The following ANK3 variants were observed in gnomAD, a reference collection of about 807,000 sequenced individuals.
ANK3 encodes ankyrin-3.
ANK3 carries 57 observed loss-of-function variants against 370.9 expected under a neutral mutation model. That is an observed-to-expected ratio of 0.15 (90% CI 0.12 to 0.19). ANK3 has a LOEUF of 0.19. Among genes scored for constraint, ANK3 ranks in the 10% least tolerant of loss-of-function variants. ANK3 has a pLI of 1.00. For synonymous variants in ANK3, 1,929 were observed against 1,946.3 expected (o/e 0.99, Z 0.23); for missense variants, 4,439 against 5,302.1 (o/e 0.84, Z 5.06).
intron 2 of ANK3, among the ~76,000 whole-genome samples, chr10:60,602,509 C>T (rs1037912335): frequency 1.3e-5 from 2 of 152,044 alleles, no homozygotes; most frequent in Non-Finnish European, 1.5e-5. Context: ...ACCCTAGAGA[C>T]CTTACCATTT....
rs557323461 is a variant in ANK3 at position 60,580,947 on chromosome 10, T to A, written c.96+34239A>T. Among the ~76,000 whole-genome samples the A allele has an allele frequency of 2.2e-3, 337 of 152,314 alleles. 3 individuals are homozygous for A. Among genetic ancestry groups the A allele is most frequent in the African/African-American group, 7.6e-3 (316 of 41,570 alleles). On this transcript the variant is annotated intron_variant, in intron 2 of 43. Transcript: ENST00000373827. ...GGGTCACATCTAGGTCCAGGCAAAC[T>A]TTTATCGTCTTTGAAAATGCTATCC...
chr10:60,285,026 C>T (rs985421860), intron 1 of ANK3, among the ~76,000 whole-genome samples: 7 of 152,070 alleles, frequency 4.6e-5, no homozygotes, highest in African/African-American at 1.7e-4. Context: ...TTCTACCCAG[C>T]ACCCCCTTGC....
In ANK3 at chr10:60,043,678, T is replaced by G. The variant is rs1007859494; in HGVS notation, c.13066-919A>C. ...GAACTGAGCCTTTTGCCATTCTAAC[T>G]TTTAAAGCCTGTGCTTTTGGAGTGC... On this transcript the variant is annotated intron_variant, in intron 42 of 43. Transcript: ENST00000280772. 3 of 985,334 alleles carry G rather than the reference T, an allele frequency of 3.0e-6. No homozygotes were observed. The African/African-American group carries it at 5.2e-5, about 17-fold the overall frequency. 61.0% of individuals were successfully genotyped at this position (985,334 alleles called of 1,614,324 possible).
chr10:60,295,117 G>A (rs117489607), intron 1 of ANK3, among the ~76,000 whole-genome samples: 92 of 152,254 alleles, frequency 6.0e-4, no homozygotes, highest in Non-Finnish European at 1.1e-3. Context: ...TATTTAAGGA[G>A]CTATGTGATA....
intron 42 of ANK3, among the ~76,000 whole-genome samples, chr10:60,047,451 C>A (rs189875244): frequency 1.3e-5 from 2 of 151,984 alleles, no homozygotes; most frequent in Non-Finnish European, 2.9e-5. Context: ...AGGATTGATG[C>A]GATATATTTT....
At position 60,261,864 on chromosome 10, in the gene ANK3, C is replaced by T. The variant is rs1171402150; in HGVS notation, c.793G>A (p.Ala265Thr). 8 of 1,613,166 alleles carry T rather than the reference C, an allele frequency of 5.0e-6. No individual in the cohort carries two copies. Among genetic ancestry groups the T allele is most frequent in the African/African-American group, 1.3e-5 (1 of 74,906 alleles). Reference sequence around the variant, plus strand: ...ACACATTGCTGTGCTCTTACCCTTGCGGTGAAATCCACAGCAGCCGCTCGG... The same window carrying T: ...ACACATTGCTGTGCTCTTACCCTTGTGGTGAAATCCACAGCAGCCGCTCGG... ...LNRAAAVDFTARNDITPLHVA... is the reference protein window; with the variant it reads ...LNRAAAVDFTTRNDITPLHVA... Residue 265 changes from alanine (A) to threonine (T), a missense_variant, in exon 7 of 44, where the codon GCA becomes ACA. Ala to Thr is a moderately conservative substitution (Grantham distance 58, BLOSUM62 0). Around this residue, in one of 13 missense-constraint regions of ANK3, gnomAD observed 227 missense variants for 377.6 expected, o/e 0.60. Transcript: ENST00000280772.
chr10:60,162,300 C>G (rs1047229220), intron 23 of ANK3, among the ~76,000 whole-genome samples: 1 of 152,172 alleles, frequency 6.6e-6, no homozygotes, highest in Admixed American at 6.6e-5. Context: ...CTTGACTAGA[C>G]TTTGGGGGCA....
intron 1 of ANK3, among the ~76,000 whole-genome samples, chr10:60,716,281 T>C (rs1162013386): frequency 1.3e-5 from 2 of 151,998 alleles, no homozygotes; most frequent in Non-Finnish European, 1.5e-5. Flanking sequence ...CAAAAACATG[T>C]AGGAAAAAAA....
chr10:60,234,815 T>G, intron 7 of ANK3, 29 bp from the exon 8 acceptor site: 1 of 1,502,700 alleles, frequency 6.7e-7, no homozygotes. Flanking sequence ...AGTACAGATT[T>G]GATATTTTTG....
At chr10:60,261,148 T>C (rs2097797334) in intron 7 of ANK3, among the ~76,000 whole-genome samples, 1 of 152,184 alleles carries the variant, frequency 6.6e-6, no homozygotes, top group South Asian at 2.1e-4. Flanking sequence ...AAAGCCAAAA[T>C]TTGAACCTAA....
chr10:60,513,111 C>T (rs1457273394), intron 2 of ANK3, among the ~76,000 whole-genome samples: 2 of 152,088 alleles, frequency 1.3e-5, no homozygotes, highest in African/African-American at 4.8e-5. Flanking sequence ...CCTCTCTAAA[C>T]TACGTGTCTT....
intron 36 of ANK3, among the ~76,000 whole-genome samples, chr10:60,080,164 ATC>A (rs2084839216): frequency 6.6e-6 from 1 of 152,228 alleles, no homozygotes; most frequent in Non-Finnish European, 1.5e-5. Context: ...AAGTAACTTT[ATC>A]ATTTTTCTAC....
At chr10:60,313,863 T>TA (rs888264164) in intron 1 of ANK3, among the ~76,000 whole-genome samples, 3 of 150,710 alleles carry the variant, frequency 2.0e-5, no homozygotes, top group South Asian at 2.1e-4. Context: ...ATATCTCAGC[T>TA]AAAAAAAATA....
chr10:60,398,619 A>C (rs1381794383), intron 2 of ANK3, among the ~76,000 whole-genome samples: 1 of 152,220 alleles, frequency 6.6e-6, no homozygotes, highest in Non-Finnish European at 1.5e-5. Flanking sequence ...TTTCTATACC[A>C]TGTCCACACA....
intron 40 of ANK3, chr10:60,059,976 G>GT: frequency 1.2e-6 from 2 of 1,602,288 alleles, no homozygotes; most frequent in Non-Finnish European, 1.7e-6. Context: ...CCCTGTGGGG[G>GT]TTTCCAGTTC....
chr10:60,386,806 C>G (rs2062403981), intron 1 of ANK3, among the ~76,000 whole-genome samples: 1 of 152,138 alleles, frequency 6.6e-6, no homozygotes, highest in Admixed American at 6.5e-5. Context: ...ATTTTATAAA[C>G]TAGATACTCT....
chr10:60,356,113 T>C (rs1003486420), intron 1 of ANK3, among the ~76,000 whole-genome samples: 5 of 152,138 alleles, frequency 3.3e-5, no homozygotes, highest in Non-Finnish European at 7.4e-5. Flanking sequence ...AGAATGCACG[T>C]TTCCAGTAGA....
chr10:60,333,960 C>T (rs1221724370), intron 1 of ANK3, among the ~76,000 whole-genome samples: 1 of 152,054 alleles, frequency 6.6e-6, no homozygotes, highest in Non-Finnish European at 1.5e-5. Context: ...TATTTACTTC[C>T]ATCAGTTGTC....
intron 2 of ANK3, among the ~76,000 whole-genome samples, chr10:60,547,889 G>A (rs1021122788): frequency 1.3e-5 from 2 of 152,016 alleles, no homozygotes; most frequent in African/African-American, 4.8e-5. Flanking sequence ...GTAGCCATCT[G>A]GACATCATAG....
Sources: allele counts gnomAD v4.1 joint callset (sites outside exome capture counted in the v4.1 genomes callset), GRCh38; gene constraint gnomAD v4.1.1; regional missense constraint gnomAD v4.1.1; transcripts MANE v1.5; gene names NCBI Gene and HGNC (gene_info 2026-07-23, HGNC 2026-07-21).